Variants in RCL1 observed in about 807,000 individuals in gnomAD.
RCL1 encodes RNA terminal phosphate cyclase like 1, also known as RNA 3'-terminal phosphate cyclase-like protein.
Under a neutral mutation model 42.4 loss-of-function variants are expected in RCL1, and 24 were observed. That is an observed-to-expected ratio of 0.57 (90% CI 0.41 to 0.80). RCL1 has a LOEUF of 0.80. RCL1 is among the 30% of genes least tolerant of loss of function. The pLI, the probability that RCL1 is intolerant of heterozygous loss-of-function variation, is 0.00. For synonymous variants in RCL1, 228 were observed against 177.3 expected, an observed-to-expected ratio of 1.29 and a Z score of -2.27; for missense variants, 578 against 467.9, an observed-to-expected ratio of 1.24 and a Z score of -2.17.
At chr9:4,812,060 G>C (rs184152662) in intron 1 of RCL1, among the ~76,000 whole-genome samples, 1 of 152,264 alleles carries the variant, frequency 6.6e-6, no homozygotes, top group East Asian at 1.9e-4. Flanking sequence ...ATTTTTGTGT[G>C]TGTACTGGTG....
At chr9:4,832,869 C>G (rs574596589) in intron 3 of RCL1, among the ~76,000 whole-genome samples, 49 of 150,888 alleles carry the variant, frequency 3.2e-4, no homozygotes, top group African/African-American at 1.2e-3. Context: ...AGTCCAGTCT[C>G]TCCATGCTTT....
intron 8 of RCL1, among the ~76,000 whole-genome samples, chr9:4,852,207 A>G (rs1167106381): frequency 2.0e-5 from 3 of 152,202 alleles, no homozygotes; most frequent in African/African-American, 7.2e-5. Context: ...AGAAAGGCCC[A>G]AGAGATTTTT....
chr9:4,793,955 A>G (rs1391382087), intron 1 of RCL1, among the ~76,000 whole-genome samples: 1 of 152,180 alleles, frequency 6.6e-6, no homozygotes, highest in African/African-American at 2.4e-5. Context: ...TTAAAAAGAA[A>G]TAGGCCCATT....
intron 1 of RCL1, among the ~76,000 whole-genome samples, chr9:4,803,264 C>T (rs368439845): frequency 1.4e-4 from 22 of 152,240 alleles, no homozygotes; most frequent in African/African-American, 5.1e-4. Context: ...ACTTTGGCTT[C>T]CTTGTTTAGT....
At chr9:4,831,073 T>A (rs1033520088) in intron 3 of RCL1, among the ~76,000 whole-genome samples, 7 of 152,158 alleles carry the variant, frequency 4.6e-5, no homozygotes, top group African/African-American at 1.7e-4. Context: ...CAGGGAATTG[T>A]CTAGGGTCTA....
chr9:4,851,988 T>G (rs551992224), intron 8 of RCL1, among the ~76,000 whole-genome samples: 1 of 149,906 alleles, frequency 6.7e-6, no homozygotes, highest in South Asian at 2.1e-4. Context: ...TCAACGCCAT[T>G]CTCCTACCTC....
intron 5 of RCL1, among the ~76,000 whole-genome samples, chr9:4,838,105 G>C (rs552689431): frequency 1.3e-5 from 2 of 152,222 alleles, no homozygotes; most frequent in African/African-American, 4.8e-5. Flanking sequence ...AGTTGGTTTT[G>C]TGGTTTTTTT....
intron 3 of RCL1, among the ~76,000 whole-genome samples, chr9:4,831,746 T>A (rs1341398370): frequency 6.6e-6 from 1 of 152,244 alleles, no homozygotes; most frequent in Non-Finnish European, 1.5e-5. Context: ...CTGCCCCACC[T>A]GATCCATTCT....
At chr9:4,821,813 A>G (rs1275387217) in intron 1 of RCL1, among the ~76,000 whole-genome samples, 2 of 152,202 alleles carry the variant, frequency 1.3e-5, no homozygotes, top group African/African-American at 4.8e-5. Context: ...CACTCTTGTG[A>G]TATAATAATA....
intron 1 of RCL1, among the ~76,000 whole-genome samples, chr9:4,816,295 A>G (rs1199083399): frequency 1.3e-5 from 2 of 152,192 alleles, no homozygotes; most frequent in Admixed American, 1.3e-4. Context: ...TGACACTTTC[A>G]GTGTAGTCTT....
intron 8 of RCL1, among the ~76,000 whole-genome samples, chr9:4,858,415 A>G (rs1240171592): frequency 6.6e-6 from 1 of 152,194 alleles, no homozygotes; most frequent in Non-Finnish European, 1.5e-5. Context: ...GTATTTAAGA[A>G]ATGGTTAAGA....
chr9:4,859,541 C>T (rs758838470), intron 8 of RCL1, among the ~76,000 whole-genome samples: 3 of 151,854 alleles, frequency 2.0e-5, no homozygotes, highest in African/African-American at 4.8e-5. Flanking sequence ...TAAGTAAATG[C>T]GAGGGTATTA....
At chr9:4,823,434 G>C (rs1816659151) in intron 1 of RCL1, 114 bp from the exon 2 acceptor site, 1 of 731,938 alleles carries the variant, frequency 1.4e-6, no homozygotes, top group African/African-American at 1.8e-5. Flanking sequence ...TGTGATGCAG[G>C]AAGTAACCTG....
chr9:4,828,548 T>TG (rs1365696749), intron 3 of RCL1, among the ~76,000 whole-genome samples: 1 of 150,564 alleles, frequency 6.6e-6, no homozygotes, highest in Non-Finnish European at 1.5e-5. Flanking sequence ...AATTAAGTGT[T>TG]TTTTTTTTTT....
intron 6 of RCL1, among the ~76,000 whole-genome samples, chr9:4,841,974 C>T (rs1399321339): frequency 6.6e-6 from 1 of 152,106 alleles, no homozygotes; most frequent in East Asian, 1.9e-4. Flanking sequence ...GTTAGAGAAG[C>T]AATTAAAGCC....
chr9:4,803,220 G>C (rs1843035985), intron 1 of RCL1, among the ~76,000 whole-genome samples: 1 of 152,096 alleles, frequency 6.6e-6, no homozygotes, highest in Non-Finnish European at 1.5e-5. Flanking sequence ...GACAAAAGTA[G>C]ATTTTCCTTG....
chr9:4,820,282 T>G (rs1418690503), intron 1 of RCL1, among the ~76,000 whole-genome samples: 1 of 152,222 alleles, frequency 6.6e-6, no homozygotes, highest in East Asian at 1.9e-4. Context: ...GTTGGCCTAG[T>G]AAAGTTTGGG....
intron 1 of RCL1, among the ~76,000 whole-genome samples, chr9:4,817,594 T>C (rs777716378): frequency 2.0e-5 from 3 of 151,750 alleles, no homozygotes; most frequent in Admixed American, 6.6e-5. Flanking sequence ...CTGCCTCAGC[T>C]CTACCTCAAC....
intron 3 of RCL1, among the ~76,000 whole-genome samples, chr9:4,829,360 C>T (rs1816873998): frequency 6.6e-6 from 1 of 152,038 alleles, no homozygotes; most frequent in African/African-American, 2.4e-5. Context: ...GAGGAAGGGG[C>T]CATAGATGAC....
Sources: allele counts gnomAD v4.1 joint callset (sites outside exome capture counted in the v4.1 genomes callset), GRCh38; gene constraint gnomAD v4.1.1; transcripts MANE v1.5; gene names NCBI Gene and HGNC (gene_info 2026-07-23, HGNC 2026-07-21).